P4HA2: variants seen among roughly 807,000 people sequenced by gnomAD.
The protein encoded by P4HA2 is prolyl 4-hydroxylase subunit alpha 2, also known as prolyl 4-hydroxylase subunit alpha-2.
P4HA2 carries 46 observed loss-of-function variants against 76.9 expected under a neutral mutation model. The ratio of observed to expected loss-of-function variants is 0.60; its 90% CI spans 0.47 to 0.76. The LOEUF is 0.76. Among genes scored for constraint, P4HA2 ranks in the 30% least tolerant of loss-of-function variants. The pLI, the probability that P4HA2 is intolerant of heterozygous loss-of-function variation, is 0.00. For missense variants in P4HA2, 583 were observed against 669.4 expected (o/e 0.87, Z 1.42); for synonymous variants, 243 against 254.0 (o/e 0.96, Z 0.41).
At chr5:132,217,408 A>T (rs1420856332) in intron 3 of P4HA2, 60 bp from the exon 4 acceptor site, 1 of 1,541,930 alleles carries the variant, frequency 6.5e-7, no homozygotes, top group Admixed American at 1.8e-5. Flanking sequence ...TTGACCTGTG[A>T]CAATTTTCCT....
chr5:132,193,713 A>G (rs943685728), intron 14 of P4HA2: 2 of 152,180 alleles, frequency 1.3e-5, no homozygotes, highest in African/African-American at 4.8e-5. Flanking sequence ...TCCAGTCTGT[A>G]TGCCATGGGC....
chr5:132,218,154 C>T (rs184978890), intron 2 of P4HA2, among the ~76,000 whole-genome samples: 9 of 152,260 alleles, frequency 5.9e-5, no homozygotes, highest in Admixed American at 4.6e-4. Flanking sequence ...GACACTGGGG[C>T]ATGGATATCC....
chr5:132,218,500 T>C (rs1754227976), intron 2 of P4HA2, 45 bp downstream of exon 2: 1 of 1,323,088 alleles, frequency 7.6e-7, no homozygotes, highest in South Asian at 1.2e-5. Flanking sequence ...ATCCGTGGCA[T>C]GTGAGCCAAG....
At chr5:132,220,103 T>G (rs908090857) in intron 1 of P4HA2, among the ~76,000 whole-genome samples, 3 of 152,154 alleles carry the variant, frequency 2.0e-5, no homozygotes, top group Admixed American at 2.0e-4. Flanking sequence ...ATTAGGGAGT[T>G]AGAGCAGCAG....
At chr5:132,201,039 A>C (rs1489319560) in intron 10 of P4HA2, 2 of 152,244 alleles carry the variant, frequency 1.3e-5, no homozygotes, top group African/African-American at 2.4e-5. Context: ...CTTTAATAAC[A>C]AGAAACTGTA....
intron 7 of P4HA2, 147 bp downstream of exon 7, chr5:132,208,991 T>A: frequency 3.1e-6 from 2 of 645,988 alleles, no homozygotes; most frequent in East Asian, 2.6e-5. Context: ...AATATCCACA[T>A]GTCAGCCTCA....
chr5:132,196,700 A>G (rs1750689743), intron 12 of P4HA2, among the ~76,000 whole-genome samples: 1 of 151,782 alleles, frequency 6.6e-6, no homozygotes, highest in African/African-American at 2.4e-5. Context: ...ATCTCTACTA[A>G]AAATACAAAA....
At position 132,213,927 on chromosome 5, in the gene P4HA2, C is replaced by T. The variant is rs1753481527; in HGVS notation, c.458G>A (p.Gly153Glu). The stretch of plus-strand genomic sequence containing the variant: ...GAGTGGTGAGTTACCTGGAAGTTCC[C>T]CTCTGGAAATTGTGCCTGGGTCCAG... Reference protein sequence around the residue: ...YRLDPGTISRGELPGTKYQAM... With the variant: ...YRLDPGTISREELPGTKYQAM... Residue 153 changes from glycine to glutamate, a missense_variant, in exon 5 of 15, where the codon GGG becomes GAG. By Grantham distance (98) the Gly-to-Glu change is moderately conservative. Coordinates refer to ENST00000360568, the MANE Select transcript of P4HA2 (RefSeq NM_001017974.2). 1 of 1,614,074 alleles carries T rather than the reference C, an allele frequency of 6.2e-7. No individual in the cohort carries two copies. The highest frequency in any genetic ancestry group is 8.5e-7 in the Non-Finnish European group (1 of 1,179,958).
chr5:132,204,034 T>C, intron 9 of P4HA2, 48 bp downstream of exon 9: 1 of 1,489,806 alleles, frequency 6.7e-7, no homozygotes, highest in Non-Finnish European at 9.4e-7. Context: ...CACTGAGAAG[T>C]CCTGAAGTTG....
chr5:132,220,170 T>C (rs1754474886), intron 1 of P4HA2, among the ~76,000 whole-genome samples: 1 of 152,176 alleles, frequency 6.6e-6, no homozygotes, highest in Middle Eastern at 3.2e-3. Flanking sequence ...TGAGGCAGAG[T>C]CCAGGCCCTC....
chr5:132,202,036 T>C (rs572049692), intron 10 of P4HA2: 9 of 152,152 alleles, frequency 5.9e-5, no homozygotes, highest in African/African-American at 2.2e-4. Flanking sequence ...CAAGAAGATA[T>C]GAATCAAGAC....
Position 132,198,314 on chromosome 5 carries a change from T to C in P4HA2, c.1365+7A>G, listed in dbSNP as rs200142837. On this transcript the variant is annotated splice_region_variant and intron_variant, in intron 12 of 14. Coordinates refer to ENST00000360568, the MANE Select transcript of P4HA2 (RefSeq NM_001017974.2). ...AATGAACAGGTGGGCCTGGACCCAG[T>C]ACTTACGTAGTTAAGAAACGTCGCT... is the stretch of plus-strand genomic sequence containing the variant. The C allele has an allele frequency of 1.2e-5, 20 of 1,614,106 alleles. No homozygotes were observed. Among genetic ancestry groups the C allele is most frequent in the Non-Finnish European group, 1.5e-5 (18 of 1,180,040 alleles).
intron 14 of P4HA2, chr5:132,193,477 G>A (rs1018429061): frequency 6.5e-6 from 1 of 153,144 alleles, no homozygotes; most frequent in Admixed American, 6.5e-5. Flanking sequence ...CTGGGAAGAA[G>A]ATGGGCATAC....
At chr5:132,218,758 C>T (rs543734458) in intron 1 of P4HA2, 114 bp from the exon 2 acceptor site, 2 of 651,224 alleles carry the variant, frequency 3.1e-6, no homozygotes, top group East Asian at 2.9e-5. Flanking sequence ...TATCAAAATC[C>T]TGGCCTAGCA....
At chr5:132,223,302 G>A (rs141778206) in intron 1 of P4HA2, among the ~76,000 whole-genome samples, 254 of 152,130 alleles carry the variant, frequency 1.7e-3, no homozygotes, top group African/African-American at 5.2e-3. Flanking sequence ...TCGCTCTGTC[G>A]CCCAGGCTGG....
chr5:132,195,793 C>T, intron 12 of P4HA2: 1 of 418,174 alleles, frequency 2.4e-6, no homozygotes, highest in Non-Finnish European at 4.5e-6. Flanking sequence ...TGACCCCACC[C>T]TTTGAATCCC....
rs764372153 is a variant in P4HA2, at chr5:132,217,901, C to T, written c.83-53G>A. ...TGAGAAACAGATGAGGGATGTCCAG[C>T]CTCCTTCCTTGGGGCACAGAATACC... is the stretch of plus-strand genomic sequence containing the variant. On this transcript the variant is annotated intron_variant, in intron 2 of 14. Coordinates refer to ENST00000360568, the MANE Select transcript of P4HA2 (RefSeq NM_001017974.2). 3 of 1,090,454 alleles carry T rather than the reference C, an allele frequency of 2.8e-6. No individual in the cohort carries two copies. The African/African-American group carries it at 4.7e-5, about 17-fold the overall frequency. 67.5% of individuals were successfully genotyped at this position (1,090,454 alleles called of 1,614,324 possible).
intron 14 of P4HA2, among the ~76,000 whole-genome samples, chr5:132,194,107 A>G (rs993673637): frequency 2.0e-5 from 3 of 152,014 alleles, no homozygotes; most frequent in Non-Finnish European, 4.4e-5. Flanking sequence ...CTAAAACACA[A>G]ACTCATCCCC....
chr5:132,219,903 C>G (rs1462508546), intron 1 of P4HA2, among the ~76,000 whole-genome samples: 2 of 152,110 alleles, frequency 1.3e-5, no homozygotes, highest in Non-Finnish European at 2.9e-5. Flanking sequence ...CAACTCCCAT[C>G]TGCAAATGGA....
Sources: allele counts gnomAD v4.1 joint callset (sites outside exome capture counted in the v4.1 genomes callset), GRCh38; gene constraint gnomAD v4.1.1; transcripts MANE v1.5; gene names NCBI Gene and HGNC (gene_info 2026-07-23, HGNC 2026-07-21).